Variants in GABRG2 observed in about 807,000 individuals in gnomAD.
The protein encoded by GABRG2 is gamma-aminobutyric acid receptor subunit gamma-2.
Under a neutral mutation model 56.4 loss-of-function variants are expected in GABRG2, and 16 were observed. The observed-to-expected ratio is 0.28, with a 90% CI of 0.19 to 0.43. The LOEUF is 0.43. GABRG2 is among the 20% of genes least tolerant of loss of function. The probability of loss-of-function intolerance (pLI) is 1.00; values close to 1 mark genes in which losing one functional copy is unlikely to be tolerated. For synonymous variants in GABRG2, 208 were observed against 205.5 expected (o/e 1.01, Z -0.10); for missense variants, 327 against 582.7 (o/e 0.56, Z 4.52).
At chr5:162,084,204 C>G (rs1759879135) in intron 1 of GABRG2, among the ~76,000 whole-genome samples, 1 of 151,712 alleles carries the variant, frequency 6.6e-6, no homozygotes, top group Admixed American at 6.6e-5. Context: ...AAGGGAAAAA[C>G]TTTCTAATTA....
intron 1 of GABRG2, among the ~76,000 whole-genome samples, chr5:162,092,211 A>G (rs934361694): frequency 6.6e-6 from 1 of 152,080 alleles, no homozygotes; most frequent in East Asian, 2.0e-4. Context: ...GCTTGCGTGG[A>G]GGCTTTTCTC....
At chr5:162,093,022 T>C (rs1036545038) in intron 1 of GABRG2, among the ~76,000 whole-genome samples, 5 of 152,118 alleles carry the variant, frequency 3.3e-5, no homozygotes, top group African/African-American at 9.7e-5. Flanking sequence ...AGAGTCATTC[T>C]CAGGTGGCTT....
In GABRG2 at chr5:162,077,073, C is replaced by CTGTGTGTGTGTGTG. The variant is rs55938019; in HGVS notation, c.107+8992_107+9005dup. 2.9e-3 allele frequency among the ~76,000 whole-genome samples: 427 copies of CTGTGTGTGTGTGTG among 146,726 alleles called. 3 individuals carry two copies. Among genetic ancestry groups the CTGTGTGTGTGTGTG allele is most frequent in the African/African-American group, 0.011 (416 of 39,480 alleles). ...GTATGCAGTATTATAACAACTACCC[C>CTGTGTGTGTGTGTG]TGTGTGTGTGTGTGTGTGTGTGTGT... On this transcript the variant is annotated intron_variant, in intron 1 of 9. Coordinates refer to ENST00000639213, the MANE Select transcript of GABRG2 (RefSeq NM_198904.4).
rs758196181 is a variant in GABRG2 at position 162,093,998 on chromosome 5, C to T, written c.259+19C>T. 1.6e-5 allele frequency: 25 copies of T among 1,612,178 alleles called. No homozygotes were observed. The highest frequency in any genetic ancestry group is 2.0e-5 in the Non-Finnish European group (24 of 1,178,758). ...ATAGGAGGTTTGTTAAAGTCTTTTG[C>T]GTTGTGCTATAGATAGGAGCACATA... On this transcript the variant is annotated intron_variant, in intron 2 of 9. Coordinates refer to ENST00000639213, the MANE Select transcript of GABRG2 (RefSeq NM_198904.4).
chr5:162,140,079 CT>C (rs1764442877), intron 6 of GABRG2, among the ~76,000 whole-genome samples: 1 of 152,154 alleles, frequency 6.6e-6, no homozygotes, highest in South Asian at 2.1e-4. Flanking sequence ...CTTTAAATAG[CT>C]TATGTTCAAT....
chr5:162,128,779 C>G (rs1446284814), intron 6 of GABRG2, among the ~76,000 whole-genome samples: 2 of 151,902 alleles, frequency 1.3e-5, no homozygotes, highest in African/African-American at 4.8e-5. Context: ...TCATGGTTAT[C>G]CTGTTATTAT....
intron 1 of GABRG2, among the ~76,000 whole-genome samples, chr5:162,077,837 C>G (rs1759263741): frequency 1.3e-5 from 2 of 152,070 alleles, no homozygotes; most frequent in South Asian, 4.2e-4. Flanking sequence ...TCCAATGTGG[C>G]TATTAAAAGG....
Position 162,155,046 on chromosome 5 carries a change from A to G in GABRG2, c.*1678A>G, listed in dbSNP as rs1196588654. On this transcript the variant is annotated 3_prime_UTR_variant, in exon 10 of 10. Transcript: ENST00000639213. ...ACTCTGTCATAATTAAATCATAGCTAGTATAACTTTACAGATAACCTAAAA... is the reference window on the plus strand; with the variant it reads ...ACTCTGTCATAATTAAATCATAGCTGGTATAACTTTACAGATAACCTAAAA... 2 of 152,428 alleles carry G rather than the reference A, an allele frequency of 1.3e-5. No homozygotes were observed. The highest frequency in any genetic ancestry group is 2.9e-5 in the Non-Finnish European group (2 of 68,022). 9.4% of individuals were successfully genotyped at this position (152,428 alleles called of 1,614,324 possible). A position where few individuals can be genotyped will look rare whatever the true frequency, so the allele number is the denominator to read the frequency against.
At chr5:162,108,538 C>A (rs1396442882) in intron 6 of GABRG2, among the ~76,000 whole-genome samples, 1 of 152,168 alleles carries the variant, frequency 6.6e-6, no homozygotes, top group Admixed American at 6.5e-5. Context: ...TTCAACAGTG[C>A]CTTTGCTGAT....
At chr5:162,078,398 T>TATATATATATATA (rs1491452559) in intron 1 of GABRG2, among the ~76,000 whole-genome samples, 2 of 16,398 alleles carry the variant, frequency 1.2e-4, no homozygotes, top group Admixed American at 6.1e-4. Flanking sequence ...TATATATATA[T>TATATATATATATA]TTTTTTTTTT....
chr5:162,097,114 A>T (rs1761053719), intron 3 of GABRG2, among the ~76,000 whole-genome samples: 1 of 152,030 alleles, frequency 6.6e-6, no homozygotes, highest in Non-Finnish European at 1.5e-5. Context: ...TTTTTTGCAT[A>T]TTCTGTACTT....
intron 1 of GABRG2, among the ~76,000 whole-genome samples, chr5:162,072,196 G>A (rs184224518): frequency 6.3e-4 from 95 of 151,896 alleles, no homozygotes; most frequent in Non-Finnish European, 1.1e-3. Context: ...AAGGATTTCC[G>A]TTCAGATTGG....
At chr5:162,142,647 G>A in intron 7 of GABRG2, 1 of 346,748 alleles carries the variant, frequency 2.9e-6, no homozygotes, top group Non-Finnish European at 5.7e-6. Flanking sequence ...ACTATCGCAA[G>A]GACAAAAAAC....
At chr5:162,092,538 T>C (rs1760680168) in intron 1 of GABRG2, among the ~76,000 whole-genome samples, 1 of 152,192 alleles carries the variant, frequency 6.6e-6, no homozygotes, top group South Asian at 2.1e-4. Flanking sequence ...GATCTATATA[T>C]ATGATGTACA....
intron 1 of GABRG2, among the ~76,000 whole-genome samples, chr5:162,081,391 A>C (rs1404656852): frequency 6.6e-6 from 1 of 152,046 alleles, no homozygotes; most frequent in Non-Finnish European, 1.5e-5. Flanking sequence ...CATACATTTT[A>C]ACACATATAT....
rs543843497 is a variant in GABRG2 at position 162,112,200 on chromosome 5, C to T, written c.769+8174C>T. Among the ~76,000 whole-genome samples the T allele has an allele frequency of 7.2e-5, 11 of 151,942 alleles. No homozygotes were observed. The East Asian group carries it at 7.7e-4, about 11-fold the overall frequency. On this transcript the variant is annotated intron_variant, in intron 6 of 9. Coordinates refer to ENST00000639213, the MANE Select transcript of GABRG2 (RefSeq NM_198904.4). ...GAAAGGTTTGCATGACTACTATTTA[C>T]GATAAATTTTAAGATTAATATTTTT...
intron 6 of GABRG2, among the ~76,000 whole-genome samples, chr5:162,119,622 G>A (rs567219682): frequency 2.4e-4 from 37 of 152,140 alleles, no homozygotes; most frequent in African/African-American, 8.7e-4. Context: ...GACAATGATC[G>A]AGATGTAACT....
intron 2 of GABRG2, chr5:162,094,215 A>C (rs1760830583): frequency 2.0e-6 from 1 of 512,666 alleles, no homozygotes; most frequent in Non-Finnish European, 3.5e-6. Context: ...TTAGAAATTC[A>C]CATATTGCTA....
intron 1 of GABRG2, among the ~76,000 whole-genome samples, chr5:162,077,685 A>G (rs1561635846): frequency 6.6e-6 from 1 of 152,142 alleles, no homozygotes; most frequent in Admixed American, 6.5e-5. Flanking sequence ...AACACGTCTT[A>G]TTTTGCAGTG....
Sources: gnomAD v4.1 joint callset for allele counts (sites outside exome capture counted in the v4.1 genomes callset) on GRCh38, gnomAD v4.1.1 for gene constraint, MANE v1.5 for transcripts, NCBI Gene and HGNC (gene_info 2026-07-23, HGNC 2026-07-21) for gene names.